The following GTF2F2 variants were observed in gnomAD, a reference collection of about 807,000 sequenced individuals.
The protein encoded by GTF2F2 is general transcription factor IIF subunit 2.
A neutral mutation model predicts 42.2 loss-of-function variants in GTF2F2; 23 were observed. The observed-to-expected ratio is 0.55, with a 90% CI of 0.39 to 0.77. The LOEUF (loss-of-function observed/expected upper bound fraction) is 0.77. Ranked by LOEUF, GTF2F2 falls within the 30% of genes least tolerant of loss-of-function variation. The pLI is 0.00. For missense variants in GTF2F2, 261 were observed against 287.2 expected, an observed-to-expected ratio of 0.91 and a Z score of 0.66; for synonymous variants, 105 against 100.8, an observed-to-expected ratio of 1.04 and a Z score of -0.25.
intron 6 of GTF2F2, among the ~76,000 whole-genome samples, chr13:45,261,988 C>T (rs1422092238): frequency 6.6e-6 from 1 of 152,032 alleles, no homozygotes; most frequent in Non-Finnish European, 1.5e-5. Context: ...TTTAAATCCC[C>T]TTCGATAATT....
rs1051079008 is a variant in GTF2F2, at chr13:45,126,227, C to T, written c.66+5506C>T. ...CAAAGTTGGCAAAGAAGCACCTTGGCTTCAAAGGGAAGAACGACTTTTTTT... is the reference window on the plus strand; with the variant it reads ...CAAAGTTGGCAAAGAAGCACCTTGGTTTCAAAGGGAAGAACGACTTTTTTT... On this transcript the variant is annotated intron_variant, in intron 1 of 7. Coordinates refer to ENST00000340473, the MANE Select transcript of GTF2F2 (RefSeq NM_004128.3). 7.5e-5 allele frequency among the ~76,000 whole-genome samples: 11 copies of T among 146,010 alleles called. No homozygotes were observed. In the East Asian group the frequency reaches 2.2e-3, roughly 29 times the overall value.
chr13:45,255,085 G>A (rs1876044671), intron 6 of GTF2F2, among the ~76,000 whole-genome samples: 1 of 145,948 alleles, frequency 6.9e-6, no homozygotes, highest in Admixed American at 7.2e-5. Context: ...AGAATCGCCT[G>A]AACCCAGGAG....
intron 7 of GTF2F2, among the ~76,000 whole-genome samples, chr13:45,281,339 A>G (rs963953918): frequency 5.3e-5 from 8 of 152,316 alleles, no homozygotes; most frequent in Admixed American, 3.3e-4. Flanking sequence ...CTAATCAGCT[A>G]TTATGTTTCT....
chr13:45,212,516 CTT>C (rs1395723165), intron 5 of GTF2F2, among the ~76,000 whole-genome samples: 1 of 116,088 alleles, frequency 8.6e-6, no homozygotes, highest in African/African-American at 3.3e-5. Context: ...TCTTTTCTTT[CTT>C]TCTCTTTCTC....
intron 4 of GTF2F2, among the ~76,000 whole-genome samples, chr13:45,167,510 G>A (rs887262358): frequency 6.7e-6 from 1 of 149,838 alleles, no homozygotes; most frequent in African/African-American, 2.5e-5. Context: ...TGATTCTCCT[G>A]CCTTAGCCTC....
intron 4 of GTF2F2, among the ~76,000 whole-genome samples, chr13:45,176,400 A>C (rs1175383530): frequency 6.6e-6 from 1 of 152,172 alleles, no homozygotes; most frequent in Admixed American, 6.5e-5. Flanking sequence ...CTCTTTTTTA[A>C]ATGAAGTTAC....
chr13:45,279,546 T>C (rs1332074700), intron 7 of GTF2F2, among the ~76,000 whole-genome samples: 1 of 152,198 alleles, frequency 6.6e-6, no homozygotes, highest in Non-Finnish European at 1.5e-5. Context: ...GCCTTGTTAG[T>C]CTTAAGCACG....
chr13:45,165,563 C>T (rs1871248533), intron 4 of GTF2F2, among the ~76,000 whole-genome samples: 1 of 121,646 alleles, frequency 8.2e-6, no homozygotes, highest in Non-Finnish European at 1.6e-5. Context: ...TTTCCACTGC[C>T]CTCGCCCCCC....
At chr13:45,146,733 A>ATC (rs1429857672) in intron 2 of GTF2F2, among the ~76,000 whole-genome samples, 19 of 152,226 alleles carry the variant, frequency 1.2e-4, no homozygotes, top group South Asian at 4.1e-4. Context: ...GTATTGAGAA[A>ATC]TAGACTCAGA....
chr13:45,159,635 G>T (rs1173362235), intron 4 of GTF2F2, among the ~76,000 whole-genome samples: 1 of 152,174 alleles, frequency 6.6e-6, no homozygotes, highest in Non-Finnish European at 1.5e-5. Context: ...ACCACGCCGG[G>T]CTAATTTTTT....
intron 4 of GTF2F2, among the ~76,000 whole-genome samples, chr13:45,163,975 G>A (rs1473309104): frequency 6.6e-6 from 1 of 152,148 alleles, no homozygotes. Flanking sequence ...CTGACCTGAC[G>A]AAACCCCGTC....
intron 6 of GTF2F2, among the ~76,000 whole-genome samples, chr13:45,265,246 G>A (rs1231357887): frequency 6.7e-6 from 1 of 150,096 alleles, no homozygotes; most frequent in Non-Finnish European, 1.5e-5. Context: ...GCAATAGAGT[G>A]AGACACCATT....
chr13:45,182,066 A>C (rs959546680), intron 4 of GTF2F2, among the ~76,000 whole-genome samples: 1 of 152,002 alleles, frequency 6.6e-6, no homozygotes. Flanking sequence ...CTTCTTCTTC[A>C]TACCCTGCCA....
At chr13:45,260,489 A>G (rs967281516) in intron 6 of GTF2F2, among the ~76,000 whole-genome samples, 4 of 152,240 alleles carry the variant, frequency 2.6e-5, no homozygotes, top group Admixed American at 1.3e-4. Flanking sequence ...ATGCAGAACC[A>G]TGATATTCAA....
intron 5 of GTF2F2, among the ~76,000 whole-genome samples, chr13:45,228,729 G>A (rs1330713212): frequency 1.4e-5 from 2 of 145,290 alleles, no homozygotes; most frequent in Admixed American, 1.4e-4. Context: ...GGAGTGCAAC[G>A]GCATGATCTC....
intron 7 of GTF2F2, among the ~76,000 whole-genome samples, chr13:45,282,900 A>G (rs1218168410): frequency 2.0e-5 from 3 of 152,218 alleles, no homozygotes; most frequent in Non-Finnish European, 4.4e-5. Flanking sequence ...CTCACATAGG[A>G]AAAAATAAGT....
intron 7 of GTF2F2, among the ~76,000 whole-genome samples, chr13:45,272,770 TCC>T (rs1491115717): frequency 2.7e-5 from 4 of 147,436 alleles, no homozygotes; most frequent in Non-Finnish European, 4.5e-5. Context: ...AGACAAGGTC[TCC>T]TGCTGCCACC....
chr13:45,217,175 T>G (rs761000238), intron 5 of GTF2F2, among the ~76,000 whole-genome samples: 8 of 151,920 alleles, frequency 5.3e-5, no homozygotes, highest in South Asian at 2.1e-4. Flanking sequence ...GGTGGCCACC[T>G]GTAATCCCAG....
intron 7 of GTF2F2, among the ~76,000 whole-genome samples, chr13:45,279,847 G>A (rs1002799482): frequency 1.6e-4 from 24 of 152,188 alleles, no homozygotes; most frequent in African/African-American, 5.8e-4. Flanking sequence ...AAAAGTTGCA[G>A]TGAGCCAAGA....
Sources: gnomAD v4.1 joint callset for allele counts (sites outside exome capture counted in the v4.1 genomes callset) on GRCh38, gnomAD v4.1.1 for gene constraint, MANE v1.5 for transcripts, NCBI Gene and HGNC (gene_info 2026-07-23, HGNC 2026-07-21) for gene names.